Variants in GRM5 observed in about 807,000 individuals in gnomAD.
GRM5 encodes metabotropic glutamate receptor 5.
In GRM5, 19 loss-of-function variants were observed where a neutral mutation model predicts 83.1. The observed-to-expected ratio is 0.23, with a 90% CI of 0.16 to 0.34. The LOEUF is 0.34. Among genes scored for constraint, GRM5 ranks in the 10% least tolerant of loss-of-function variants. GRM5 has a pLI of 1.00. For synonymous variants in GRM5, 675 were observed against 633.6 expected (o/e 1.07, Z -0.98); for missense variants, 1,160 against 1,588.3 (o/e 0.73, Z 4.58).
intron 2 of GRM5, among the ~76,000 whole-genome samples, chr11:89,029,114 T>C (rs1200507291): frequency 6.6e-6 from 1 of 152,238 alleles, no homozygotes; most frequent in African/African-American, 2.4e-5. Context: ...CGTGAACTCA[T>C]CTTTTTTATG....
At chr11:88,868,948 C>T (rs1944716618) in intron 2 of GRM5, among the ~76,000 whole-genome samples, 1 of 151,686 alleles carries the variant, frequency 6.6e-6, no homozygotes. Context: ...CTGATGAAAT[C>T]CCACGATAGT....
In GRM5 at chr11:88,652,409, C is replaced by A. The variant is rs575284178; in HGVS notation, c.1147+759G>T. ...CTACCTGGTTATTAGAATCAAGATTCTTTTTGGACATGTTACAAATAATAT... is the reference window on the plus strand; with the variant it reads ...CTACCTGGTTATTAGAATCAAGATTATTTTTGGACATGTTACAAATAATAT... On this transcript the variant is annotated intron_variant, in intron 4 of 9. Coordinates refer to ENST00000305447, the MANE Select transcript of GRM5 (RefSeq NM_001143831.3). 2.0e-5 allele frequency among the ~76,000 whole-genome samples: 3 copies of A among 152,070 alleles called. No individual in the cohort carries two copies. In the South Asian group the frequency reaches 6.2e-4, roughly 32 times the overall value.
chr11:88,850,787 C>G (rs1944376499), intron 2 of GRM5, among the ~76,000 whole-genome samples: 1 of 151,860 alleles, frequency 6.6e-6, no homozygotes, highest in Admixed American at 6.6e-5. Flanking sequence ...CCTATACAAC[C>G]ATGGGGAAGT....
At chr11:88,593,886 C>T (rs970277055) in intron 6 of GRM5, among the ~76,000 whole-genome samples, 3 of 150,868 alleles carry the variant, frequency 2.0e-5, no homozygotes, top group East Asian at 2.1e-4. Context: ...CTCCTCCTCC[C>T]GGGTTCACGC....
At chr11:88,688,256 A>T (rs1940695711) in intron 3 of GRM5, among the ~76,000 whole-genome samples, 1 of 152,214 alleles carries the variant, frequency 6.6e-6, no homozygotes, top group Admixed American at 6.5e-5. Context: ...AGTGGATAAA[A>T]TATAGTTTAC....
chr11:88,505,342 C>G lies in GRM5; in HGVS notation c.*3250G>C, dbSNP rs1362087923. ...GGAAATGCTTTTGTTTTTTGTTATT[C>G]TTAAAAAGAGCATTTAATTCCTGGC... On this transcript the variant is annotated 3_prime_UTR_variant, in exon 10 of 10. Coordinates refer to ENST00000305447, the MANE Select transcript of GRM5 (RefSeq NM_001143831.3). 4 of 152,148 alleles carry G rather than the reference C, an allele frequency of 2.6e-5. No homozygotes were observed. The highest frequency in any genetic ancestry group is 4.8e-5 in the African/African-American group (2 of 41,434). 9.4% of individuals were successfully genotyped at this position (152,148 alleles called of 1,614,324 possible).
intron 2 of GRM5, among the ~76,000 whole-genome samples, chr11:88,993,761 G>T (rs1305336746): frequency 6.6e-6 from 1 of 152,108 alleles, no homozygotes; most frequent in Non-Finnish European, 1.5e-5. Context: ...TCACTCTGTT[G>T]TCCAGGCTGG....
intron 3 of GRM5, among the ~76,000 whole-genome samples, chr11:88,798,825 A>AC (rs1555017419): frequency 6.7e-4 from 97 of 145,292 alleles, no homozygotes; most frequent in Non-Finnish European, 8.9e-4. Flanking sequence ...AAAAAAAAAA[A>AC]AACAACAACA....
Position 88,567,467 on chromosome 11 carries a change from C to G in GRM5, c.2216G>C (p.Gly739Ala). The change falls in exon 8 of 10, where the codon GGA becomes GCA. Residue 739 changes from glycine to alanine, a missense_variant. Coordinates refer to ENST00000305447, the MANE Select transcript of GRM5 (RefSeq NM_001143831.3). This position sits in a 1 kb window ranked among gnomAD's most constrained non-coding sequence, Gnocchi z 7.3. ...ATTGTATCCAAGTGGAGTGACAACT[C>G]CTAGGTTGGTGGTGTTACAGATCAG... ...VYLICNTTNL[G>A]VVTPLGYNGL... 6.2e-7 allele frequency: 1 copy of G among 1,614,090 alleles called. No individual in the cohort carries two copies. The highest frequency in any genetic ancestry group is 8.5e-7 in the Non-Finnish European group (1 of 1,179,968).
chr11:88,762,724 G>A (rs182187565), intron 3 of GRM5, among the ~76,000 whole-genome samples: 3 of 151,824 alleles, frequency 2.0e-5, no homozygotes, highest in African/African-American at 4.8e-5. Flanking sequence ...AAAGACACAT[G>A]CACATATAAG....
chr11:88,884,044 C>T (rs1220906943), intron 2 of GRM5, among the ~76,000 whole-genome samples: 1 of 152,082 alleles, frequency 6.6e-6, no homozygotes, highest in African/African-American at 2.4e-5. Flanking sequence ...TAGGGCACTG[C>T]CTAGTGGAAT....
intron 2 of GRM5, among the ~76,000 whole-genome samples, chr11:89,018,535 G>A (rs934737934): frequency 7.9e-5 from 12 of 152,028 alleles, no homozygotes; most frequent in Non-Finnish European, 1.5e-4. Context: ...ATTCTACTAT[G>A]TCTTGGACAT....
At position 88,853,727 on chromosome 11, in the gene GRM5, T is replaced by G. The variant is rs1384576565; in HGVS notation, c.662-3572A>C. 4.6e-5 allele frequency among the ~76,000 whole-genome samples: 7 copies of G among 151,906 alleles called. 1 individual carries two copies. In the East Asian group the frequency reaches 1.4e-3, roughly 29 times the overall value. ...TTAATAAAAAAATAAACTAGCATAC[T>G]TAAAAGTCATTGAAAGGAGAGAGTT... is the stretch of plus-strand genomic sequence containing the variant. On this transcript the variant is annotated intron_variant, in intron 2 of 9. Transcript: ENST00000305447.
At chr11:88,747,156 G>T (rs1942162176) in intron 3 of GRM5, among the ~76,000 whole-genome samples, 1 of 152,068 alleles carries the variant, frequency 6.6e-6, no homozygotes, top group Non-Finnish European at 1.5e-5. Context: ...TCTCAACCTG[G>T]TTTCCCATTT....
intron 3 of GRM5, among the ~76,000 whole-genome samples, chr11:88,796,256 G>A (rs1765907443): frequency 6.6e-6 from 1 of 152,096 alleles, no homozygotes; most frequent in African/African-American, 2.4e-5. Context: ...TTAGCATTCT[G>A]TTATATTTTT....
chr11:88,967,066 C>T (rs1225411420), intron 2 of GRM5, among the ~76,000 whole-genome samples: 6 of 151,826 alleles, frequency 4.0e-5, no homozygotes, highest in Non-Finnish European at 8.8e-5. Flanking sequence ...AAATTTGAGA[C>T]CAATCTAAGT....
chr11:88,513,013 A>G (rs913532924), intron 9 of GRM5, among the ~76,000 whole-genome samples: 1 of 152,146 alleles, frequency 6.6e-6, no homozygotes, highest in African/African-American at 2.4e-5. Context: ...CTACCCCATT[A>G]AATTCCAAAT....
intron 2 of GRM5, among the ~76,000 whole-genome samples, chr11:88,892,202 T>C (rs1270680873): frequency 6.6e-6 from 1 of 151,798 alleles, no homozygotes; most frequent in Non-Finnish European, 1.5e-5. Context: ...AAAAACTGGT[T>C]ATTTTATCAA....
chr11:88,884,092 T>C (rs1945004192), intron 2 of GRM5, among the ~76,000 whole-genome samples: 1 of 152,084 alleles, frequency 6.6e-6, no homozygotes, highest in Non-Finnish European at 1.5e-5. Context: ...AAACCCAGAA[T>C]GGTAGATACA....
Sources: gnomAD v4.1 joint callset for allele counts (sites outside exome capture counted in the v4.1 genomes callset) on GRCh38, gnomAD v4.1.1 for gene constraint, Gnocchi (gnomAD v3.1) non-coding constraint, MANE v1.5 for transcripts, NCBI Gene and HGNC (gene_info 2026-07-23, HGNC 2026-07-21) for gene names.